Variants in TAFA2 observed in about 807,000 individuals in gnomAD.
TAFA2 encodes chemokine-like protein TAFA-2.
TAFA2 carries 7 observed loss-of-function variants against 18.8 expected under a neutral mutation model. The observed-to-expected ratio is 0.37, with a 90% CI of 0.21 to 0.70. The LOEUF is 0.70. TAFA2 is among the 30% of genes least tolerant of loss of function. The pLI, the probability that TAFA2 is intolerant of heterozygous loss-of-function variation, is 0.53. For missense variants in TAFA2, 122 were observed against 158.1 expected (o/e 0.77, Z 1.23); for synonymous variants, 60 against 54.2 (o/e 1.11, Z -0.47).
intron 1 of TAFA2, among the ~76,000 whole-genome samples, chr12:61,931,410 T>C (rs1877549679): frequency 6.6e-6 from 1 of 152,250 alleles, no homozygotes; most frequent in Non-Finnish European, 1.5e-5. Context: ...GTGTCTGATC[T>C]TATGCTGTGT....
intron 1 of TAFA2, among the ~76,000 whole-genome samples, chr12:62,248,506 T>C (rs1421958727): frequency 6.6e-6 from 1 of 152,234 alleles, no homozygotes; most frequent in Non-Finnish European, 1.5e-5. Flanking sequence ...ATAACCTTTT[T>C]AAAAATGTGT....
intron 1 of TAFA2, among the ~76,000 whole-genome samples, chr12:62,245,930 T>G (rs1321290877): frequency 6.6e-6 from 1 of 150,878 alleles, no homozygotes; most frequent in East Asian, 1.9e-4. Flanking sequence ...TATATATATA[T>G]AAGACCTTAA....
chr12:62,075,143 T>C (rs1382301634), intron 1 of TAFA2, among the ~76,000 whole-genome samples: 16 of 152,224 alleles, frequency 1.1e-4, no homozygotes, highest in Admixed American at 1.0e-3. Flanking sequence ...GAAATATTTG[T>C]ATAACAATAA....
At chr12:61,952,182 A>G (rs1878492145) in intron 1 of TAFA2, among the ~76,000 whole-genome samples, 2 of 152,152 alleles carry the variant, frequency 1.3e-5, no homozygotes, top group African/African-American at 4.8e-5. Flanking sequence ...GAAGGTAGAC[A>G]GATGTAGCCA....
rs78347373 is a variant in TAFA2, at chr12:61,777,832, G to A, written c.107-22808C>T. Among the ~76,000 whole-genome samples, 936 of 151,890 alleles carry A rather than the reference G, an allele frequency of 6.2e-3. 3 individuals are homozygous for A. Among genetic ancestry groups the A allele is most frequent in the African/African-American group, 0.022 (892 of 41,484 alleles). The stretch of plus-strand genomic sequence containing the variant: ...TTCAGTAAGTACTCTGTAAATATTT[G>A]CTTTTGATAGAAATAACTTTTCTTT... On this transcript the variant is annotated intron_variant, in intron 2 of 4. Transcript: ENST00000416284.
chr12:62,150,938 G>A (rs1360931156), intron 1 of TAFA2, among the ~76,000 whole-genome samples: 1 of 151,652 alleles, frequency 6.6e-6, no homozygotes, highest in African/African-American at 2.4e-5. Context: ...CAATGGATGG[G>A]GCTGGGTTAC....
chr12:62,021,296 T>A (rs1215882879), intron 1 of TAFA2, among the ~76,000 whole-genome samples: 1 of 152,132 alleles, frequency 6.6e-6, no homozygotes, highest in Admixed American at 6.6e-5. Flanking sequence ...TTTTTTATTT[T>A]CAAAGGTTTT....
chr12:62,068,381 G>A (rs1435322199), intron 1 of TAFA2, among the ~76,000 whole-genome samples: 3 of 152,142 alleles, frequency 2.0e-5, no homozygotes, highest in African/African-American at 7.2e-5. Context: ...AACCACATTA[G>A]TGTCTTGAGG....
chr12:61,833,163 T>C (rs181155704), intron 2 of TAFA2, among the ~76,000 whole-genome samples: 2 of 151,038 alleles, frequency 1.3e-5, no homozygotes, highest in African/African-American at 4.8e-5. Flanking sequence ...GTAAAAACTA[T>C]TCCACTAGAT....
intron 1 of TAFA2, among the ~76,000 whole-genome samples, chr12:62,179,776 ATCT>A (rs2062539332): frequency 6.6e-6 from 1 of 151,768 alleles, no homozygotes; most frequent in South Asian, 2.1e-4. Flanking sequence ...TTCCCTTCTG[ATCT>A]TCTTTTCTCT....
chr12:62,002,002 T>C (rs1008303363), intron 1 of TAFA2, among the ~76,000 whole-genome samples: 4 of 152,142 alleles, frequency 2.6e-5, no homozygotes, highest in African/African-American at 4.8e-5. Flanking sequence ...GATGGTTTGA[T>C]CACCAACCTG....
chr12:62,152,528 G>A (rs764946816), intron 1 of TAFA2, among the ~76,000 whole-genome samples: 1 of 152,172 alleles, frequency 6.6e-6, no homozygotes, highest in Admixed American at 6.5e-5. Flanking sequence ...TGGATTTGAA[G>A]GATAGACAAG....
chr12:62,011,392 G>A (rs1390497337), intron 1 of TAFA2, among the ~76,000 whole-genome samples: 2 of 152,310 alleles, frequency 1.3e-5, no homozygotes, highest in Middle Eastern at 3.4e-3. Context: ...ACACAATTTT[G>A]TTCTGTACTA....
chr12:62,027,742 T>C (rs1881346941), intron 1 of TAFA2, among the ~76,000 whole-genome samples: 1 of 152,130 alleles, frequency 6.6e-6, no homozygotes, highest in Non-Finnish European at 1.5e-5. Flanking sequence ...CTTTTAGAGA[T>C]GAGAAACTAA....
intron 1 of TAFA2, among the ~76,000 whole-genome samples, chr12:61,945,067 G>A (rs1000441821): frequency 1.4e-5 from 2 of 145,294 alleles, no homozygotes; most frequent in Non-Finnish European, 3.0e-5. Context: ...TAAAATACTG[G>A]CAAACCGAAT....
intron 1 of TAFA2, among the ~76,000 whole-genome samples, chr12:62,213,650 A>AC (rs1332367556): frequency 6.6e-6 from 1 of 151,614 alleles, no homozygotes; most frequent in Non-Finnish European, 1.5e-5. Flanking sequence ...TCAAAAAAAA[A>AC]AAAAAGTGTA....
chr12:61,929,411 T>C (rs1470995546), intron 1 of TAFA2, among the ~76,000 whole-genome samples: 2 of 152,148 alleles, frequency 1.3e-5, no homozygotes, highest in Non-Finnish European at 2.9e-5. Flanking sequence ...AAAATGCTCA[T>C]CATCACTGGC....
chr12:61,938,718 A>G (rs2121414040), intron 1 of TAFA2, among the ~76,000 whole-genome samples: 1 of 152,296 alleles, frequency 6.6e-6, no homozygotes, highest in Non-Finnish European at 1.5e-5. Context: ...GTGGAATACT[A>G]CTCAGCAATG....
intron 2 of TAFA2, among the ~76,000 whole-genome samples, chr12:61,826,741 A>G (rs1872548072): frequency 1.3e-5 from 2 of 151,766 alleles, no homozygotes; most frequent in South Asian, 4.2e-4. Context: ...TCATTTATTC[A>G]TACTCTCTGA....
Sources: gnomAD v4.1 joint callset for allele counts (sites outside exome capture counted in the v4.1 genomes callset) on GRCh38, gnomAD v4.1.1 for gene constraint, MANE v1.5 for transcripts, NCBI Gene and HGNC (gene_info 2026-07-23, HGNC 2026-07-21) for gene names.